Variants in NBEAL2 observed in about 807,000 individuals in gnomAD.
The protein encoded by NBEAL2 is neurobeachin-like protein 2.
A neutral mutation model predicts 299.8 loss-of-function variants in NBEAL2; 160 were observed. The observed-to-expected ratio is 0.53, with a 90% CI of 0.47 to 0.61. The LOEUF is 0.61. Ranked by LOEUF, NBEAL2 falls within the 20% of genes least tolerant of loss-of-function variation. NBEAL2 has a pLI of 0.00. For missense variants in NBEAL2, 3,112 were observed against 3,649.0 expected, an observed-to-expected ratio of 0.85 and a Z score of 3.79; for synonymous variants, 1,493 against 1,542.3, an observed-to-expected ratio of 0.97 and a Z score of 0.75.
rs1038140017 is a variant in NBEAL2, at chr3:46,991,011, G to T, written c.557-208G>T. On this transcript the variant is annotated intron_variant, in intron 6 of 53. Coordinates refer to ENST00000450053, the MANE Select transcript of NBEAL2 (RefSeq NM_015175.3). This position sits in a 1 kb window ranked among gnomAD's most constrained non-coding sequence, Gnocchi z 6.2. ...GTCACCCTTAAGTCCCCCAAAGAAG[G>T]GTTGTCCCTTTCAGGCCCTCTACTA... 6.6e-6 allele frequency among the ~76,000 whole-genome samples: 1 copy of T among 152,116 alleles called. No homozygotes were observed. The highest frequency in any genetic ancestry group is 2.4e-5 in the African/African-American group (1 of 41,406).
chr3:47,008,747 C>A, intron 52 of NBEAL2, 79 bp downstream of exon 52: 1 of 1,568,932 alleles, frequency 6.4e-7, no homozygotes, highest in African/African-American at 1.4e-5. Flanking sequence ...GGAACCCACA[C>A]ACCATACATG....
chr3:47,006,131 C>A, intron 43 of NBEAL2, 34 bp from the exon 44 acceptor site: 1 of 1,613,278 alleles, frequency 6.2e-7, no homozygotes, highest in Non-Finnish European at 8.5e-7. Flanking sequence ...AGAGGGCACG[C>A]AGGGAGCCCT....
At position 46,999,004 on chromosome 3, in the gene NBEAL2, C is replaced by T. The variant is rs1245905595; in HGVS notation, c.3430C>T (p.Leu1144=). ...DLLLALLHGS[L]VQESLAVFLL... is the part of the protein sequence containing the mutation. The stretch of plus-strand genomic sequence containing the variant: ...GCTGCTGGCCCTGCTGCACGGTTCC[C>T]TGGTGCAGGAGTCCTTGGCTGTCTT... Residue 1144 remains leucine, a synonymous_variant, in exon 24 of 54, where the codon CTG becomes TTG. Coordinates refer to ENST00000450053, the MANE Select transcript of NBEAL2 (RefSeq NM_015175.3). The T allele has an allele frequency of 6.8e-6, 11 of 1,606,470 alleles. No individual in the cohort carries two copies. The highest frequency in any genetic ancestry group is 9.3e-6 in the Non-Finnish European group (11 of 1,176,854).
rs1379443698 is a variant in NBEAL2, at chr3:46,991,817, C to T, written c.926-23C>T. On this transcript the variant is annotated intron_variant, in intron 8 of 53. Transcript: ENST00000450053. This position sits in a 1 kb window ranked among gnomAD's most constrained non-coding sequence, Gnocchi z 6.2. Reference sequence around the variant, plus strand: ...GCTGCCTAGAGGGGTCTGGGCAGGGCCTGACCCTTGACCCTTCCACAGACG... The same window carrying T: ...GCTGCCTAGAGGGGTCTGGGCAGGGTCTGACCCTTGACCCTTCCACAGACG... 1 of 1,576,760 alleles carries T rather than the reference C, an allele frequency of 6.3e-7. No individual in the cohort carries two copies.
chr3:46,998,672 C>T lies in NBEAL2; in HGVS notation c.3222-45C>T, dbSNP rs774516668. 3.7e-5 allele frequency: 58 copies of T among 1,555,124 alleles called. No homozygotes were observed. In the South Asian group the frequency reaches 4.4e-4, roughly 12 times the overall value. On this transcript the variant is annotated intron_variant, in intron 22 of 53. Coordinates refer to ENST00000450053, the MANE Select transcript of NBEAL2 (RefSeq NM_015175.3). ...GACTCACCTGCCCACCCTCTCTCCC[C>T]GCCTTTCTTTGGGACCTGGCTGGGT... is the stretch of plus-strand genomic sequence containing the variant.
rs1387839840 is a variant in NBEAL2, at chr3:46,999,956, A to T, written c.3857A>T (p.Asp1286Val). The change falls in exon 27 of 54, where the codon GAT (aspartate) becomes GTT (valine). Residue 1286 changes from aspartate to valine, a missense_variant. By Grantham distance (152) the Asp-to-Val change is radical. This residue lies in a region of NBEAL2 where 2,243 missense variants were observed against 2,538.1 expected (regional missense o/e 0.88). Transcript: ENST00000450053. Reference sequence around the variant, plus strand: ...CTGGCCCGACAGGCTGGCTGGCAAGATGTGCTGACCCGGCTATATGTCCTG... The same window carrying T: ...CTGGCCCGACAGGCTGGCTGGCAAGTTGTGCTGACCCGGCTATATGTCCTG... Reference protein sequence around the residue: ...RLLARQAGWQDVLTRLYVLEA... With the variant: ...RLLARQAGWQVVLTRLYVLEA... The T allele has an allele frequency of 7.4e-6, 12 of 1,611,628 alleles. No homozygotes were observed. In the South Asian group the frequency reaches 1.3e-4, roughly 18 times the overall value.
intron 10 of NBEAL2, among the ~76,000 whole-genome samples, chr3:46,992,877 A>G (rs1425993868): frequency 1.3e-5 from 2 of 152,216 alleles, no homozygotes; most frequent in African/African-American, 2.4e-5. Context: ...GGATTTGGCT[A>G]TAGTCACAGA....
chr3:46,995,231 T>C lies in NBEAL2; in HGVS notation c.1496T>C (p.Leu499Ser). 5 of 1,555,738 alleles carry C rather than the reference T, an allele frequency of 3.2e-6. No homozygotes were observed. The highest frequency in any genetic ancestry group is 4.3e-6 in the Non-Finnish European group (5 of 1,150,032). ...CAGGCAGGCCTGGTGGGCTGCCTGTTGGAGACACTCAGCACAGGGCTAGCC... is the reference window on the plus strand; with the variant it reads ...CAGGCAGGCCTGGTGGGCTGCCTGTCGGAGACACTCAGCACAGGGCTAGCC... Reference protein sequence around the residue: ...CVQAGLVGCLLETLSTGLALE... With the variant: ...CVQAGLVGCLSETLSTGLALE... The change falls in exon 13 of 54, where the codon TTG becomes TCG. Residue 499 changes from leucine (L) to serine (S), a missense_variant. This residue lies in a region of NBEAL2 where 2,243 missense variants were observed against 2,538.1 expected (regional missense o/e 0.88). Coordinates refer to ENST00000450053, the MANE Select transcript of NBEAL2 (RefSeq NM_015175.3).
chr3:46,995,511 A>AC lies in NBEAL2; in HGVS notation c.1781dup (p.Val595CysfsTer49). The AC allele has an allele frequency of 6.2e-7, 1 of 1,612,720 alleles. No individual in the cohort carries two copies. The stretch of plus-strand genomic sequence containing the variant: ...CGCCCAGCATGGCGGGCATCATGGT[A>AC]CCCCCTGTACAGCGATGGCCAGGGC... On this transcript the variant is annotated frameshift_variant, in exon 13 of 54. Coordinates refer to ENST00000450053, the MANE Select transcript of NBEAL2 (RefSeq NM_015175.3). LOFTEE classifies it high-confidence loss of function.
Position 47,001,180 on chromosome 3 carries a change from G to T in NBEAL2, c.4484+1G>T. On this transcript the variant is annotated splice_donor_variant, in intron 28 of 53. Transcript: ENST00000450053. LOFTEE classifies it high-confidence loss of function. This position sits in a 1 kb window ranked among gnomAD's most constrained non-coding sequence, Gnocchi z 6.1. ...GCCCACCAGACTGCATCAAGCGCAG[G>T]TGAGAGGGAAAGTCTGGAGGGGGAG... 1 of 1,609,468 alleles carries T rather than the reference G, an allele frequency of 6.2e-7. No homozygotes were observed.
intron 1 of NBEAL2, among the ~76,000 whole-genome samples, chr3:46,985,320 T>C (rs972069697): frequency 6.6e-6 from 1 of 152,166 alleles, no homozygotes; most frequent in African/African-American, 2.4e-5. Context: ...CGAGGCCCAT[T>C]GTGCAATGGC....
At chr3:46,987,206 G>T (rs1270258116) in intron 1 of NBEAL2, among the ~76,000 whole-genome samples, 2 of 152,180 alleles carry the variant, frequency 1.3e-5, no homozygotes, top group Non-Finnish European at 2.9e-5. Context: ...CCGTGGTCTG[G>T]GCCCATAGGC....
chr3:46,995,601 C>A lies in NBEAL2; in HGVS notation c.1866C>A (p.Pro622=). The change falls in exon 13 of 54, where the codon CCC becomes CCA. Residue 622 remains proline, a synonymous_variant. Transcript: ENST00000450053. ...HPMDTAPTPA[P]TRPLQRKQLY... ...TGGATACAGCACCTACCCCTGCCCC[C>A]ACCCGACCACTCCAGCGAAAGCAGC... 1.9e-6 allele frequency: 3 copies of A among 1,612,144 alleles called. No homozygotes were observed. The highest frequency in any genetic ancestry group is 2.5e-6 in the Non-Finnish European group (3 of 1,179,350).
In NBEAL2 at chr3:46,997,340, G is replaced by A. The variant is rs1575603696; in HGVS notation, c.2731G>A (p.Ala911Thr). The A allele has an allele frequency of 1.2e-6, 2 of 1,612,794 alleles. No individual in the cohort carries two copies. The highest frequency in any genetic ancestry group is 4.5e-5 in the East Asian group (2 of 44,882). The change falls in exon 19 of 54, where the codon GCA (alanine) becomes ACA (threonine). Residue 911 changes from alanine (A) to threonine (T), a missense_variant. By Grantham distance (58) the Ala-to-Thr change is moderately conservative. Transcript: ENST00000450053. ...RVAAQPKEAEAGPAETHDLVG... is the reference protein window; with the variant it reads ...RVAAQPKEAETGPAETHDLVG... ...AGCTGCACAGCCCAAAGAGGCTGAAGCAGGTCCAGCTGAAACGCATGACCT... is the reference window on the plus strand; with the variant it reads ...AGCTGCACAGCCCAAAGAGGCTGAAACAGGTCCAGCTGAAACGCATGACCT...
rs766127761 is a variant in NBEAL2, at chr3:47,000,368, T to C, written c.4269T>C (p.Ile1423=). ...ACGGCAGCCTCCCGGAGCCCACCAT[T>C]AGCGGGGATGATACCTCGAACACCA... ...LEDGSLPEPT[I]SGDDTSNTSN... The change falls in exon 27 of 54, where the codon ATT becomes ATC. Residue 1423 remains isoleucine (I), a synonymous_variant. Transcript: ENST00000450053. This position sits in a 1 kb window ranked among gnomAD's most constrained non-coding sequence, Gnocchi z 4.5. The C allele has an allele frequency of 6.3e-7, 1 of 1,589,942 alleles. No homozygotes were observed. Among genetic ancestry groups the C allele is most frequent in the African/African-American group, 1.3e-5 (1 of 74,536 alleles).
chr3:46,996,151 C>T (rs925703364), intron 15 of NBEAL2, 100 bp downstream of exon 15: 1 of 1,548,200 alleles, frequency 6.5e-7, no homozygotes, highest in Non-Finnish European at 8.7e-7. Context: ...TGCTGCCCCA[C>T]AGGCCTGACT....
intron 6 of NBEAL2, among the ~76,000 whole-genome samples, chr3:46,990,686 GT>G (rs2036016406): frequency 6.6e-6 from 1 of 152,228 alleles, no homozygotes; most frequent in African/African-American, 2.4e-5. Context: ...ATCCTGTCCA[GT>G]TTTGCTGGCG....
At position 46,999,055 on chromosome 3, in the gene NBEAL2, G is replaced by C; in HGVS notation, c.3481G>C (p.Val1161Leu). The C allele has an allele frequency of 6.3e-7, 1 of 1,596,354 alleles. No individual in the cohort carries two copies. The highest frequency in any genetic ancestry group is 8.5e-7 in the Non-Finnish European group (1 of 1,171,912). ...VFLLEPGNLE[V>L]LLALLVRPGS... Reference sequence around the variant, plus strand: ...TCTGTTGGAGCCAGGGAACCTCGAAGTGCTACTGGCCCTGCTAGTGCGGCC... The same window carrying C: ...TCTGTTGGAGCCAGGGAACCTCGAACTGCTACTGGCCCTGCTAGTGCGGCC... Residue 1161 changes from valine to leucine, a missense_variant, in exon 24 of 54, where the codon GTG (valine) becomes CTG (leucine). By Grantham distance (32) the Val-to-Leu change is conservative. Coordinates refer to ENST00000450053, the MANE Select transcript of NBEAL2 (RefSeq NM_015175.3).
chr3:47,008,603 G>A lies in NBEAL2; in HGVS notation c.7962G>A (p.Thr2654=), dbSNP rs752731948. 20 of 1,613,500 alleles carry A rather than the reference G, an allele frequency of 1.2e-5. No homozygotes were observed. Among genetic ancestry groups the A allele is most frequent in the East Asian group, 4.5e-5 (2 of 44,888 alleles). Residue 2654 remains threonine (T), a synonymous_variant, in exon 52 of 54, where the codon ACG becomes ACA. Transcript: ENST00000450053. ...TGGCAGAGCAGCCTACAGCCCTGAC[G>A]GTGACAGAGGACTTTGTGTTGCTGG... ...LPLAEQPTAL[T]VTEDFVLLGT... is the part of the protein sequence containing the mutation.
Sources: allele counts gnomAD v4.1 joint callset (sites outside exome capture counted in the v4.1 genomes callset), GRCh38; gene constraint gnomAD v4.1.1; regional missense constraint gnomAD v4.1.1; non-coding constraint Gnocchi (gnomAD v3.1); transcripts MANE v1.5; gene names NCBI Gene and HGNC (gene_info 2026-07-23, HGNC 2026-07-21).